The following SETBP1 variants were observed in gnomAD, a reference collection of about 807,000 sequenced individuals.
SETBP1 encodes SET binding protein 1.
In SETBP1, 9 loss-of-function variants were observed where a neutral mutation model predicts 101.0. The observed-to-expected ratio is 0.09, with a 90% CI of 0.05 to 0.16. The LOEUF is 0.16. SETBP1 is among the 10% of genes least tolerant of loss of function. The pLI is 1.00. For missense variants in SETBP1, 1,858 were observed against 2,033.8 expected (o/e 0.91, Z 1.66); for synonymous variants, 818 against 788.5 (o/e 1.04, Z -0.63).
chr18:45,059,835 A>G lies in SETBP1; in HGVS notation c.4172-3244A>G, dbSNP rs1319639. 6.1e-3 allele frequency among the ~76,000 whole-genome samples: 923 copies of G among 152,310 alleles called. 8 individuals are homozygous for G. The highest frequency in any genetic ancestry group is 0.014 in the Admixed American group (213 of 15,298). The stretch of plus-strand genomic sequence containing the variant: ...TTGGACAGCCCTACTCTAGTGGCTT[A>G]ATAAAACTCTATGAGGTTGCCTTGG... On this transcript the variant is annotated intron_variant, in intron 5 of 5. Coordinates refer to ENST00000649279, the MANE Select transcript of SETBP1 (RefSeq NM_015559.3).
chr18:44,883,908 C>T (rs1225291757), intron 3 of SETBP1, among the ~76,000 whole-genome samples: 1 of 152,138 alleles, frequency 6.6e-6, no homozygotes, highest in Non-Finnish European at 1.5e-5. Context: ...TATTATGTAC[C>T]GATGGCATCT....
chr18:44,767,270 C>T (rs943709286), intron 2 of SETBP1, among the ~76,000 whole-genome samples: 31 of 152,308 alleles, frequency 2.0e-4, no homozygotes, highest in African/African-American at 7.5e-4. Flanking sequence ...ATTCCTTTCC[C>T]TTCTTACTAG....
intron 4 of SETBP1, among the ~76,000 whole-genome samples, chr18:45,016,794 T>TACCTCCCC (rs1304220106): frequency 1.3e-3 from 50 of 37,318 alleles, no homozygotes; most frequent in African/African-American, 4.8e-3. Flanking sequence ...CCCCCACCCC[T>TACCTCCCC]ACCTCCCCAC....
chr18:44,739,214 T>C (rs1432242274), intron 2 of SETBP1, among the ~76,000 whole-genome samples: 1 of 152,234 alleles, frequency 6.6e-6, no homozygotes, highest in African/African-American at 2.4e-5. Flanking sequence ...GTCAGCTGAT[T>C]AGCAGCCTTA....
chr18:44,858,661 T>C (rs1429898096), intron 2 of SETBP1, among the ~76,000 whole-genome samples: 71 of 152,302 alleles, frequency 4.7e-4, no homozygotes, highest in African/African-American at 1.6e-3. Context: ...AAGATAGTTG[T>C]CTTCCTTGAA....
At chr18:44,684,113 C>T (rs1190275046) in intron 1 of SETBP1, among the ~76,000 whole-genome samples, 1 of 152,102 alleles carries the variant, frequency 6.6e-6, no homozygotes, top group Admixed American at 6.5e-5. Flanking sequence ...TTTGTCTGGT[C>T]CTGGGGTTCC....
intron 3 of SETBP1, among the ~76,000 whole-genome samples, chr18:44,918,857 C>T (rs913234689): frequency 4.3e-4 from 65 of 152,236 alleles, no homozygotes; most frequent in African/African-American, 1.5e-3. Flanking sequence ...CCACAAATGA[C>T]AGTTCAACAG....
intron 3 of SETBP1, among the ~76,000 whole-genome samples, chr18:44,902,299 AAACCTATCTT>A (rs1262176164): frequency 6.6e-6 from 1 of 152,098 alleles, no homozygotes; most frequent in Admixed American, 6.6e-5. Flanking sequence ...TGCTCCTATC[AAACCTATCTT>A]AACCAGCACC....
chr18:44,908,719 G>A (rs1043933836), intron 3 of SETBP1, among the ~76,000 whole-genome samples: 2 of 152,112 alleles, frequency 1.3e-5, no homozygotes, highest in Non-Finnish European at 2.9e-5. Flanking sequence ...GTCAATATCT[G>A]TAGAAAGGCT....
chr18:44,900,959 A>C (rs1166411343), intron 3 of SETBP1, among the ~76,000 whole-genome samples: 1 of 152,186 alleles, frequency 6.6e-6, no homozygotes, highest in African/African-American at 2.4e-5. Context: ...GCCAAATAAT[A>C]CTAGAAACAA....
At chr18:45,046,540 G>A (rs1237397677) in intron 5 of SETBP1, among the ~76,000 whole-genome samples, 3 of 152,216 alleles carry the variant, frequency 2.0e-5, no homozygotes, top group African/African-American at 7.2e-5. Context: ...CACTACCAAA[G>A]TGTGTATTTA....
Position 45,064,803 on chromosome 18 carries a change from T to G in SETBP1, c.*1105T>G, listed in dbSNP as rs936467012. ...TTTTCATTCAAATAATTGTCATAGGTTGTTCAAAAAAAAAAAAAAAAAGGA... is the reference window on the plus strand; with the variant it reads ...TTTTCATTCAAATAATTGTCATAGGGTGTTCAAAAAAAAAAAAAAAAAGGA... On this transcript the variant is annotated 3_prime_UTR_variant, in exon 6 of 6. Transcript: ENST00000649279. 6 of 144,794 alleles carry G rather than the reference T, an allele frequency of 4.1e-5. No individual in the cohort carries two copies. Among genetic ancestry groups the G allele is most frequent in the Non-Finnish European group, 7.5e-5 (5 of 66,466 alleles). The allele number at this position is 144,794 out of a possible 1,614,324, so 9.0% of individuals were successfully genotyped here.
chr18:45,063,798 C>T lies in SETBP1; in HGVS notation c.*100C>T. On this transcript the variant is annotated 3_prime_UTR_variant, in exon 6 of 6. Transcript: ENST00000649279. ...GAATCCCCCGCTGCAGGGACACCCA[C>T]GCCCTTCTCTCCAGAAGCCGGGCAG... The T allele has an allele frequency of 7.4e-7, 1 of 1,348,630 alleles. No individual in the cohort carries two copies. 83.5% of individuals were successfully genotyped at this position (1,348,630 alleles called of 1,614,324 possible).
At chr18:44,994,077 A>G (rs2072439234) in intron 4 of SETBP1, among the ~76,000 whole-genome samples, 2 of 152,124 alleles carry the variant, frequency 1.3e-5, no homozygotes, top group Admixed American at 1.3e-4. Flanking sequence ...AACTGTGAAA[A>G]TATTTGCATT....
intron 4 of SETBP1, among the ~76,000 whole-genome samples, chr18:45,024,399 T>C (rs1417943344): frequency 6.6e-6 from 1 of 152,240 alleles, no homozygotes; most frequent in African/African-American, 2.4e-5. Context: ...TCTTTTTTAA[T>C]AGCATTCTGC....
chr18:44,947,893 G>A (rs983679515), intron 3 of SETBP1, among the ~76,000 whole-genome samples: 1 of 152,328 alleles, frequency 6.6e-6, no homozygotes, highest in East Asian at 1.9e-4. Flanking sequence ...AAGGAGCAGA[G>A]AACTTAGCCT....
intron 2 of SETBP1, among the ~76,000 whole-genome samples, chr18:44,804,064 T>G (rs747629161): frequency 9.2e-5 from 14 of 152,090 alleles, no homozygotes; most frequent in Non-Finnish European, 1.6e-4. Flanking sequence ...TTTTTAGCCA[T>G]CCATACCTTT....
intron 3 of SETBP1, among the ~76,000 whole-genome samples, chr18:44,911,436 T>C (rs1285444880): frequency 6.6e-6 from 1 of 152,202 alleles, no homozygotes; most frequent in African/African-American, 2.4e-5. Context: ...GCAAATGATA[T>C]TCTCCAATAA....
rs61046680 is a variant in SETBP1, at chr18:44,815,375, G to T, written c.487-53855G>T. Among the ~76,000 whole-genome samples the T allele has an allele frequency of 8.8e-3, 1,347 of 152,368 alleles. 18 individuals carry two copies. The highest frequency in any genetic ancestry group is 0.031 in the African/African-American group (1,287 of 41,586). ...CTTTAAAGCGTGAGTTGGATTTGAA[G>T]AGGAGGCTGTACGGGGCAGCCCGTA... On this transcript the variant is annotated intron_variant, in intron 2 of 5. Transcript: ENST00000649279.
Sources: gnomAD v4.1 joint callset for allele counts (sites outside exome capture counted in the v4.1 genomes callset) on GRCh38, gnomAD v4.1.1 for gene constraint, MANE v1.5 for transcripts, NCBI Gene and HGNC (gene_info 2026-07-23, HGNC 2026-07-21) for gene names.